Variants in THRB observed in about 807,000 individuals in gnomAD.
THRB encodes the protein thyroid hormone receptor beta.
In THRB, 12 loss-of-function variants were observed where a neutral mutation model predicts 47.8. The ratio of observed to expected loss-of-function variants is 0.25; its 90% CI spans 0.16 to 0.41. THRB has a LOEUF of 0.41. THRB is among the 10% of genes least tolerant of loss of function. The pLI is 1.00. For synonymous variants in THRB, 218 were observed against 212.2 expected (o/e 1.03, Z -0.24); for missense variants, 348 against 589.2 (o/e 0.59, Z 4.24).
chr3:24,344,535 T>C (rs1254539989), intron 1 of THRB, among the ~76,000 whole-genome samples: 2 of 152,016 alleles, frequency 1.3e-5, no homozygotes, highest in African/African-American at 4.8e-5. Flanking sequence ...ACAAATAACA[T>C]TTGGAAAACT....
At chr3:24,368,104 A>C (rs1246140409) in intron 1 of THRB, among the ~76,000 whole-genome samples, 1 of 151,976 alleles carries the variant, frequency 6.6e-6, no homozygotes, top group East Asian at 1.9e-4. Context: ...TGATTTATAA[A>C]CTCTTTCCCC....
intron 5 of THRB, among the ~76,000 whole-genome samples, chr3:24,182,773 A>G (rs1478811900): frequency 6.6e-6 from 1 of 152,220 alleles, no homozygotes; most frequent in Non-Finnish European, 1.5e-5. Flanking sequence ...GGTAAATGGC[A>G]GCACCAGAAT....
At chr3:24,430,993 G>A (rs2070335889) in intron 1 of THRB, 1 of 152,074 alleles carries the variant, frequency 6.6e-6, no homozygotes, top group African/African-American at 2.4e-5. Flanking sequence ...GTAACCATGT[G>A]CAGTTGTCCA....
At chr3:24,371,718 G>T (rs756228147) in intron 1 of THRB, among the ~76,000 whole-genome samples, 2 of 152,098 alleles carry the variant, frequency 1.3e-5, no homozygotes, top group Non-Finnish European at 2.9e-5. Context: ...CTGGAAGCAG[G>T]ACACTTTGGA....
intron 3 of THRB, among the ~76,000 whole-genome samples, chr3:24,262,594 A>G (rs78658660): frequency 0.013 from 2,048 of 152,284 alleles, 50 homozygotes; most frequent in African/African-American, 0.047. Flanking sequence ...GGACTTTTGA[A>G]TGTGAGCTCT....
intron 2 of THRB, among the ~76,000 whole-genome samples, chr3:24,307,676 GA>G (rs1200604149): frequency 6.6e-6 from 1 of 152,080 alleles, no homozygotes; most frequent in Non-Finnish European, 1.5e-5. Flanking sequence ...AAGTGTTCCA[GA>G]AGATCCCAAA....
chr3:24,175,205 G>A (rs1292791237), intron 5 of THRB, among the ~76,000 whole-genome samples: 1 of 152,202 alleles, frequency 6.6e-6, no homozygotes, highest in Non-Finnish European at 1.5e-5. Flanking sequence ...TTCAAGATTT[G>A]TTCCATTTAA....
intron 1 of THRB, among the ~76,000 whole-genome samples, chr3:24,467,190 T>C (rs571383574): frequency 1.3e-4 from 20 of 152,326 alleles, no homozygotes; most frequent in African/African-American, 2.2e-4. Context: ...TCCTTAACCA[T>C]AGAAGTTTTA....
chr3:24,406,543 G>C (rs2067842893), intron 1 of THRB, among the ~76,000 whole-genome samples: 1 of 151,302 alleles, frequency 6.6e-6, no homozygotes, highest in African/African-American at 2.4e-5. Flanking sequence ...AATTTTACTT[G>C]GAATTTTTTT....
rs375970204 is a variant in THRB, at chr3:24,143,710, G to A, written c.533-4C>T. On this transcript the variant is annotated splice_polypyrimidine_tract_variant and splice_region_variant and intron_variant, in intron 7 of 10. Transcript: ENST00000646209. Reference sequence around the variant, plus strand: ...CTCTTGCTGTCATCCAGCACCACTGGGAGGGGGAGAAAGATGAGACAAGGC... The same window carrying A: ...CTCTTGCTGTCATCCAGCACCACTGAGAGGGGGAGAAAGATGAGACAAGGC... 77 of 1,613,888 alleles carry A rather than the reference G, an allele frequency of 4.8e-5. No homozygotes were observed. Among genetic ancestry groups the A allele is most frequent in the Non-Finnish European group, 6.3e-5 (74 of 1,179,976 alleles).
At chr3:24,272,739 C>G (rs185037819) in intron 3 of THRB, among the ~76,000 whole-genome samples, 1 of 152,242 alleles carries the variant, frequency 6.6e-6, no homozygotes, top group East Asian at 1.9e-4. Flanking sequence ...TTTCACCTAG[C>G]TGTAGTCACT....
chr3:24,328,216 A>T (rs1038273418), intron 2 of THRB, among the ~76,000 whole-genome samples: 3 of 152,198 alleles, frequency 2.0e-5, no homozygotes, highest in Non-Finnish European at 4.4e-5. Flanking sequence ...TAATTTTCCT[A>T]TATTTATCAA....
chr3:24,243,068 GAAAAAAAAAAAA>G (rs71057662), intron 3 of THRB, among the ~76,000 whole-genome samples: 1 of 92,004 alleles, frequency 1.1e-5, no homozygotes, highest in Admixed American at 1.4e-4. Context: ...GCGCACCTTT[GAAAAAAAAAAAA>G]AAAAAAAAAA....
intron 1 of THRB, among the ~76,000 whole-genome samples, chr3:24,361,710 T>C (rs1379788342): frequency 6.6e-6 from 1 of 152,164 alleles, no homozygotes; most frequent in Non-Finnish European, 1.5e-5. Flanking sequence ...TGGCTCCTTA[T>C]GTATGGATTT....
intron 9 of THRB, among the ~76,000 whole-genome samples, chr3:24,128,187 A>C (rs1424182428): frequency 6.6e-6 from 1 of 152,170 alleles, no homozygotes; most frequent in Non-Finnish European, 1.5e-5. Flanking sequence ...CCTACTGTTT[A>C]GCTGGCAACT....
intron 3 of THRB, among the ~76,000 whole-genome samples, chr3:24,263,414 G>A (rs1292953954): frequency 6.6e-6 from 1 of 152,132 alleles, no homozygotes. Flanking sequence ...TTAACAAGAA[G>A]TTGAAGCAGA....
At chr3:24,190,745 T>C (rs966937362) in intron 4 of THRB, among the ~76,000 whole-genome samples, 3 of 152,030 alleles carry the variant, frequency 2.0e-5, no homozygotes, top group African/African-American at 7.2e-5. Context: ...ACACCCAGGA[T>C]TCAGCCTTGT....
chr3:24,339,417 G>T (rs1039524345), intron 1 of THRB, among the ~76,000 whole-genome samples: 1 of 152,090 alleles, frequency 6.6e-6, no homozygotes, highest in South Asian at 2.1e-4. Context: ...GAGGAGAAGA[G>T]TTAAGCATTT....
intron 1 of THRB, among the ~76,000 whole-genome samples, chr3:24,481,763 G>A (rs1013263085): frequency 2.0e-5 from 3 of 151,656 alleles, no homozygotes; most frequent in African/African-American, 7.3e-5. Context: ...AAGGATATTG[G>A]GAAGTCAGAC....
Sources: allele counts gnomAD v4.1 joint callset (sites outside exome capture counted in the v4.1 genomes callset), GRCh38; gene constraint gnomAD v4.1.1; transcripts MANE v1.5; gene names NCBI Gene and HGNC (gene_info 2026-07-23, HGNC 2026-07-21).